SRPRA: variants seen among roughly 807,000 people sequenced by gnomAD.
SRPRA encodes the protein SRP receptor subunit alpha.
A neutral mutation model predicts 61.1 loss-of-function variants in SRPRA; 30 were observed. That is an observed-to-expected ratio of 0.49 (90% CI 0.37 to 0.67). The LOEUF (loss-of-function observed/expected upper bound fraction) is 0.67, where lower values mean the gene tolerates loss of function less well. Ranked by LOEUF, SRPRA falls within the 30% of genes least tolerant of loss-of-function variation. The pLI is 0.00. For missense variants in SRPRA, 759 were observed against 828.4 expected (o/e 0.92, Z 1.03); for synonymous variants, 324 against 299.7 (o/e 1.08, Z -0.84).
chr11:126,239,151 G>C, the SRPRA span, among the ~76,000 whole-genome samples: 5 of 151,464 alleles, frequency 3.3e-5, no homozygotes, highest in Admixed American at 2.6e-4. Flanking sequence ...TTCTTTCTTT[G>C]TTTGGCAGAG....
downstream of SRPRA, chr11:126,262,846 G>A (rs114906929): frequency 9.2e-4 from 141 of 152,722 alleles, 2 homozygotes; most frequent in African/African-American, 3.2e-3. Flanking sequence ...CTGTTGTCCT[G>A]ACCATACATA....
the SRPRA span, among the ~76,000 whole-genome samples, chr11:126,256,242 G>A: frequency 6.6e-6 from 1 of 152,184 alleles, no homozygotes; most frequent in African/African-American, 2.4e-5. The surrounding 1 kb of genome is among the most constrained non-coding windows in gnomAD (Gnocchi z 6.6). Context: ...CTCTAGCCCA[G>A]GTGAAAGAGT....
the SRPRA span, among the ~76,000 whole-genome samples, chr11:126,238,232 C>T: frequency 2.6e-5 from 4 of 151,934 alleles, no homozygotes; most frequent in African/African-American, 4.8e-5. Flanking sequence ...TGTGGTGGCA[C>T]GTGCCTGTAA....
At chr11:126,262,380 A>G (rs943650055), downstream of SRPRA, 2 of 558,510 alleles carry the variant, frequency 3.6e-6, no homozygotes, top group Non-Finnish European at 6.4e-6. Context: ...GCAGCTCCCA[A>G]CCCACTCCCC....
In SRPRA at chr11:126,266,638, G is replaced by A; in HGVS notation, c.687-9C>T. 1.2e-6 allele frequency: 2 copies of A among 1,613,472 alleles called. 1 individual carries two copies. Among genetic ancestry groups the A allele is most frequent in the South Asian group, 2.2e-5 (2 of 90,998 alleles). ...CTGACTTCGTGGACTTGCTGCAACA[G>A]GTTATGATACAAAGAGTTATGGTGG... On this transcript the variant is annotated splice_polypyrimidine_tract_variant and intron_variant, in intron 5 of 13. Coordinates refer to ENST00000332118, the MANE Select transcript of SRPRA (RefSeq NM_003139.4).
At chr11:126,257,119 G>T in the SRPRA span, among the ~76,000 whole-genome samples, 1 of 152,212 alleles carries the variant, frequency 6.6e-6, no homozygotes, top group Admixed American at 6.5e-5. Context: ...TCAATGAAAT[G>T]CAGTTTGAAT....
At chr11:126,236,110 G>T in the SRPRA span, among the ~76,000 whole-genome samples, 3 of 152,084 alleles carry the variant, frequency 2.0e-5, no homozygotes, top group African/African-American at 4.8e-5. Flanking sequence ...GTCCTGTTGC[G>T]TTCCTGATAT....
Position 126,265,218 on chromosome 11 carries a change from GAC to G in SRPRA, c.1311+48_1312-47del. 6.2e-7 allele frequency: 1 copy of G among 1,613,776 alleles called. No homozygotes were observed. The highest frequency in any genetic ancestry group is 8.5e-7 in the Non-Finnish European group (1 of 1,179,756). Reference sequence around the variant, plus strand: ...AAGTCACCTAAAGCCAGGATTTTGAGACACAAGAAGTACAGAAATATCAGCGA... The same window carrying G: ...AAGTCACCTAAAGCCAGGATTTTGAGACAAGAAGTACAGAAATATCAGCGA... On this transcript the variant is annotated intron_variant, in intron 10 of 13. Transcript: ENST00000332118. The surrounding 1 kb of genome is among the most constrained non-coding windows in gnomAD (Gnocchi z 6.3).
the SRPRA span, chr11:126,241,302 A>G: frequency 2.8e-6 from 1 of 351,738 alleles, no homozygotes; most frequent in Non-Finnish European, 5.1e-6. Flanking sequence ...ACAAATTACC[A>G]CTGTGTTTTG....
the SRPRA span, chr11:126,256,711 G>A: frequency 1.0e-4 from 165 of 1,614,072 alleles, 1 homozygote; most frequent in Non-Finnish European, 1.3e-4. This position sits in a 1 kb window ranked among gnomAD's most constrained non-coding sequence, Gnocchi z 6.6. Flanking sequence ...GGTTCGGAGA[G>A]GAGACGTAGA....
chr11:126,267,635 C>G lies in SRPRA; in HGVS notation c.279G>C (p.Lys93Asn). ...IDDVHRLFRDKYRTEIQQQSA... is the reference protein window; with the variant it reads ...IDDVHRLFRDNYRTEIQQQSA... ...TTTGCTGTTGGATCTCTGTGCGGTA[C>G]TTGTCCCGAAACAGCCGATGCACGT... is the stretch of plus-strand genomic sequence containing the variant. Residue 93 changes from lysine to asparagine, a missense_variant, in exon 3 of 14, where the codon AAG becomes AAC. Around this residue, in one of 2 missense-constraint regions of SRPRA, gnomAD observed 475 missense variants for 462.5 expected, o/e 1.03. Coordinates refer to ENST00000332118, the MANE Select transcript of SRPRA (RefSeq NM_003139.4). This position sits in a 1 kb window ranked among gnomAD's most constrained non-coding sequence, Gnocchi z 4.2. 6.2e-7 allele frequency: 1 copy of G among 1,614,164 alleles called. No homozygotes were observed.
the SRPRA span, among the ~76,000 whole-genome samples, chr11:126,246,957 T>G: frequency 4.8e-3 from 732 of 152,210 alleles, 4 homozygotes; most frequent in African/African-American, 0.017. Flanking sequence ...GAAAAAAACT[T>G]TCCAGCCTGG....
chr11:126,253,860 C>T, the SRPRA span, among the ~76,000 whole-genome samples: 1 of 152,182 alleles, frequency 6.6e-6, no homozygotes, highest in Non-Finnish European at 1.5e-5. The surrounding 1 kb of genome is among the most constrained non-coding windows in gnomAD (Gnocchi z 5.1). Context: ...CAACACTTTT[C>T]AAGCTTCTGC....
intron 1 of SRPRA, among the ~76,000 whole-genome samples, chr11:126,268,307 C>T (rs1950863776): frequency 6.6e-6 from 1 of 152,100 alleles, no homozygotes; most frequent in Non-Finnish European, 1.5e-5. Flanking sequence ...CACATGGGAG[C>T]CAAAAGGGAA....
the SRPRA span, among the ~76,000 whole-genome samples, chr11:126,251,627 C>T: frequency 6.6e-6 from 1 of 152,184 alleles, no homozygotes; most frequent in East Asian, 1.9e-4. Flanking sequence ...CTAGGGATCC[C>T]CTCCTGAGAG....
chr11:126,264,666 T>C lies in SRPRA; in HGVS notation c.1526-127A>G, dbSNP rs1950771493. 8.4e-7 allele frequency: 1 copy of C among 1,187,534 alleles called. No individual in the cohort carries two copies. Among genetic ancestry groups the C allele is most frequent in the East Asian group, 2.5e-5 (1 of 39,670 alleles). The allele number at this position is 1,187,534 out of a possible 1,614,324, so 73.6% of individuals were successfully genotyped here. A position where few individuals can be genotyped will look rare whatever the true frequency, so the allele number is the denominator to read the frequency against. Reference sequence around the variant, plus strand: ...TTGGGCTCTGGATTTGGTTCCAAGGTAATGTGAGAAAAACTTGATTATATG... The same window carrying C: ...TTGGGCTCTGGATTTGGTTCCAAGGCAATGTGAGAAAAACTTGATTATATG... On this transcript the variant is annotated intron_variant, in intron 11 of 13. Transcript: ENST00000332118. The surrounding 1 kb of genome is among the most constrained non-coding windows in gnomAD (Gnocchi z 5.0).
chr11:126,252,890 C>G, the SRPRA span, among the ~76,000 whole-genome samples: 3 of 152,094 alleles, frequency 2.0e-5, no homozygotes, highest in Non-Finnish European at 4.4e-5. This position sits in a 1 kb window ranked among gnomAD's most constrained non-coding sequence, Gnocchi z 4.7. Flanking sequence ...CAAAAACTAG[C>G]TGGGAGTGGT....
the SRPRA span, chr11:126,250,448 A>G: frequency 8.0e-7 from 1 of 1,243,052 alleles, no homozygotes; most frequent in Non-Finnish European, 1.2e-6. This position sits in a 1 kb window ranked among gnomAD's most constrained non-coding sequence, Gnocchi z 5.1. Flanking sequence ...CTGTAACTAA[A>G]ACAACTGACC....
chr11:126,256,422 C>A, the SRPRA span: 7 of 653,528 alleles, frequency 1.1e-5, no homozygotes, highest in South Asian at 9.8e-5. This position sits in a 1 kb window ranked among gnomAD's most constrained non-coding sequence, Gnocchi z 6.6. Flanking sequence ...AGCAAGAGAT[C>A]ACACTCCTTG....
Sources: gnomAD v4.1 joint callset for allele counts (sites outside exome capture counted in the v4.1 genomes callset) on GRCh38, gnomAD v4.1.1 for gene constraint, gnomAD v4.1.1 regional missense constraint, Gnocchi (gnomAD v3.1) non-coding constraint, MANE v1.5 for transcripts, NCBI Gene and HGNC (gene_info 2026-07-23, HGNC 2026-07-21) for gene names.